The following HDAC9 variants were observed in gnomAD, a reference collection of about 807,000 sequenced individuals.
HDAC9 encodes the protein histone deacetylase 9, also known as MEF-2 interacting transcription repressor (MITR) protein.
A neutral mutation model predicts 139.4 loss-of-function variants in HDAC9; 41 were observed. The observed-to-expected ratio is 0.29, with a 90% CI of 0.23 to 0.38. HDAC9 has a LOEUF of 0.38. HDAC9 is among the 10% of genes least tolerant of loss of function. The pLI is 1.00. For missense variants in HDAC9, 1,147 were observed against 1,297.0 expected, an observed-to-expected ratio of 0.88 and a Z score of 1.78; for synonymous variants, 517 against 476.2, an observed-to-expected ratio of 1.09 and a Z score of -1.12.
At chr7:18,437,950 C>G (rs1791365585) in intron 1 of HDAC9, among the ~76,000 whole-genome samples, 1 of 151,614 alleles carries the variant, frequency 6.6e-6, no homozygotes, top group South Asian at 2.1e-4. Flanking sequence ...ACGTTACACA[C>G]ACACACACAC....
At chr7:18,281,303 A>G (rs896512618) in intron 2 of HDAC9, among the ~76,000 whole-genome samples, 6 of 152,174 alleles carry the variant, frequency 3.9e-5, no homozygotes, top group Admixed American at 1.3e-4. Context: ...TCACTGACTT[A>G]TATTCATATA....
chr7:18,202,338 C>T (rs996342860), intron 2 of HDAC9, among the ~76,000 whole-genome samples: 2 of 152,056 alleles, frequency 1.3e-5, no homozygotes, highest in Non-Finnish European at 2.9e-5. Flanking sequence ...AAGATACTTA[C>T]TTATGAGAGC....
At chr7:18,152,635 G>C (rs1055712055) in intron 1 of HDAC9, among the ~76,000 whole-genome samples, 1 of 152,084 alleles carries the variant, frequency 6.6e-6, no homozygotes, top group Non-Finnish European at 1.5e-5. Flanking sequence ...GAAATCACTG[G>C]TATGAAATCT....
intron 21 of HDAC9, among the ~76,000 whole-genome samples, chr7:18,840,446 A>G (rs1359860873): frequency 6.6e-6 from 1 of 152,076 alleles, no homozygotes; most frequent in Non-Finnish European, 1.5e-5. Context: ...TGCCAACTGA[A>G]AAGGGGACTT....
intron 8 of HDAC9, among the ~76,000 whole-genome samples, chr7:18,644,364 T>C (rs1010977375): frequency 2.0e-5 from 3 of 152,148 alleles, no homozygotes; most frequent in African/African-American, 7.2e-5. Flanking sequence ...ATCAGAATTA[T>C]CCAATTTTAT....
intron 22 of HDAC9, among the ~76,000 whole-genome samples, chr7:18,918,333 TG>T (rs146884265): frequency 1.4e-5 from 2 of 145,846 alleles, no homozygotes; most frequent in African/African-American, 5.1e-5. Flanking sequence ...CAGCTTGACA[TG>T]GGGGGGATGG....
intron 21 of HDAC9, among the ~76,000 whole-genome samples, chr7:18,838,190 T>A (rs1319049509): frequency 6.6e-6 from 1 of 152,070 alleles, no homozygotes; most frequent in Non-Finnish European, 1.5e-5. Context: ...GAACACATAT[T>A]ATATGCTGGG....
At chr7:18,257,369 ACTCT>A (rs146860772) in intron 2 of HDAC9, among the ~76,000 whole-genome samples, 6,593 of 110,134 alleles carry the variant, frequency 0.06, 289 homozygotes, top group African/African-American at 0.14. Flanking sequence ...TGTCTCTCTG[ACTCT>A]CTCTCTCTCT....
At chr7:18,216,051 T>A (rs1447822094) in intron 2 of HDAC9, among the ~76,000 whole-genome samples, 1 of 151,934 alleles carries the variant, frequency 6.6e-6, no homozygotes, top group Non-Finnish European at 1.5e-5. Context: ...ACCACAATTT[T>A]ATTTTTAGGT....
At position 18,593,899 on chromosome 7, in the gene HDAC9, C is replaced by G. The variant is rs756136724; in HGVS notation, c.543-9C>G. ...CAAGTAAATAGTGAAACTTCCTTGTCTTTTCTAGGGCTGCCCACCACACAT... is the reference window on the plus strand; with the variant it reads ...CAAGTAAATAGTGAAACTTCCTTGTGTTTTCTAGGGCTGCCCACCACACAT... On this transcript the variant is annotated splice_polypyrimidine_tract_variant and intron_variant, in intron 5 of 25. Coordinates refer to ENST00000686413, the MANE Select transcript of HDAC9 (RefSeq NM_178425.4). 2 of 1,611,940 alleles carry G rather than the reference C, an allele frequency of 1.2e-6. No individual in the cohort carries two copies. Among genetic ancestry groups the G allele is most frequent in the South Asian group, 2.2e-5 (2 of 90,902 alleles).
intron 21 of HDAC9, among the ~76,000 whole-genome samples, chr7:18,849,776 C>T (rs545621901): frequency 6.6e-6 from 1 of 152,212 alleles, no homozygotes; most frequent in South Asian, 2.1e-4. Context: ...AGAAAGCACA[C>T]CCCGAAATAA....
At chr7:18,889,527 T>TA (rs1800487780) in intron 22 of HDAC9, among the ~76,000 whole-genome samples, 1 of 152,218 alleles carries the variant, frequency 6.6e-6, no homozygotes, top group African/African-American at 2.4e-5. Context: ...CATGGGTGTT[T>TA]ATTCAAGATA....
At chr7:18,801,181 G>T (rs1294329635) in intron 17 of HDAC9, among the ~76,000 whole-genome samples, 1 of 151,860 alleles carries the variant, frequency 6.6e-6, no homozygotes, top group Non-Finnish European at 1.5e-5. Flanking sequence ...GAGTATTCTT[G>T]TGTCTTTCTA....
At chr7:18,505,105 A>C (rs150253471) in intron 2 of HDAC9, among the ~76,000 whole-genome samples, 1 of 152,270 alleles carries the variant, frequency 6.6e-6, no homozygotes, top group East Asian at 1.9e-4. Flanking sequence ...GGCTGAGAGG[A>C]GCTTAAGGAA....
At chr7:18,784,203 T>A (rs1585030804) in intron 16 of HDAC9, among the ~76,000 whole-genome samples, 1 of 152,064 alleles carries the variant, frequency 6.6e-6, no homozygotes, top group East Asian at 1.9e-4. Context: ...ATAAGACAAT[T>A]AATCCCTTTA....
intron 2 of HDAC9, among the ~76,000 whole-genome samples, chr7:18,561,774 G>A (rs577636056): frequency 2.0e-4 from 30 of 152,158 alleles, no homozygotes; most frequent in Non-Finnish European, 4.4e-4. Context: ...ATGTAACTCA[G>A]TACTTGTTTT....
chr7:18,825,561 T>G (rs2129203059), intron 17 of HDAC9, among the ~76,000 whole-genome samples: 1 of 151,902 alleles, frequency 6.6e-6, no homozygotes, highest in Middle Eastern at 3.4e-3. Flanking sequence ...GAGGAGAAAT[T>G]AGAGGTTGAT....
At chr7:18,156,275 T>C (rs78035602) in intron 1 of HDAC9, among the ~76,000 whole-genome samples, 4,660 of 152,254 alleles carry the variant, frequency 0.031, 109 homozygotes, top group Non-Finnish European at 0.041. Context: ...ATTACTTCAA[T>C]TGAAAAGCCT....
At chr7:18,895,655 C>T (rs1003833775) in intron 22 of HDAC9, among the ~76,000 whole-genome samples, 1 of 152,018 alleles carries the variant, frequency 6.6e-6, no homozygotes, top group African/African-American at 2.4e-5. Context: ...AAAGTTTTGA[C>T]TTGATACTTT....
Sources: allele counts gnomAD v4.1 joint callset (sites outside exome capture counted in the v4.1 genomes callset), GRCh38; gene constraint gnomAD v4.1.1; transcripts MANE v1.5; gene names NCBI Gene and HGNC (gene_info 2026-07-23, HGNC 2026-07-21).